The following STKLD1 variants were observed in gnomAD, a reference collection of about 807,000 sequenced individuals.
STKLD1 encodes the protein serine/threonine kinase like domain containing 1.
In STKLD1, 79 loss-of-function variants were observed where a neutral mutation model predicts 80.4. That is an observed-to-expected ratio of 0.98 (90% CI 0.82 to 1.19). The LOEUF (loss-of-function observed/expected upper bound fraction) is 1.19. Among genes scored for constraint, STKLD1 ranks in the 50% most tolerant of loss-of-function variants. STKLD1 has a pLI of 0.00. For synonymous variants in STKLD1, 393 were observed against 357.6 expected (o/e 1.10, Z -1.12); for missense variants, 841 against 856.0 (o/e 0.98, Z 0.22).
rs145374164 is a variant in STKLD1, at chr9:133,397,230, C to T, written c.933C>T (p.His311=). 5 of 1,613,832 alleles carry T rather than the reference C, an allele frequency of 3.1e-6. No individual in the cohort carries two copies. The highest frequency in any genetic ancestry group is 4.2e-6 in the Non-Finnish European group (5 of 1,180,036). Residue 311 remains histidine (H), a synonymous_variant, in exon 10 of 18, where the codon CAC becomes CAT. Transcript: ENST00000371957. ...FKSSCVSLTL[H]RQMVPASITD... ...CCTCGTGCGTCTCTCTGACCCTGCA[C>T]CGGCAGATGGTGCCTGCGTCCATCA... is the stretch of plus-strand genomic sequence containing the variant.
chr9:133,381,131 CTTTTTTTTTTTT>C (rs35031853), intron 2 of STKLD1, among the ~76,000 whole-genome samples: 13 of 69,166 alleles, frequency 1.9e-4, no homozygotes, highest in Admixed American at 1.6e-3. Context: ...TACGATGTAA[CTTTTTTTTTTTT>C]TTTTTTTTTT....
At chr9:133,376,664 C>T in intron 1 of STKLD1, 104 bp downstream of exon 1, 1 of 1,043,048 alleles carries the variant, frequency 9.6e-7, no homozygotes, top group Non-Finnish European at 1.4e-6. Context: ...GGGGCCCGCG[C>T]CCTGGCCAGT....
At position 133,397,974 on chromosome 9, in the gene STKLD1, G is replaced by A. The variant is rs782048842; in HGVS notation, c.1000G>A (p.Val334Ile). ...CCCCTGCCTTCCTGTCCCTGCAGAG[G>A]TCATGCAGAAATTCTCTGGCTGGCC... ...LEGNVASILE[V>I]MQKFSGWPEV... Residue 334 changes from valine to isoleucine, a missense_variant and splice_region_variant, in exon 11 of 18, where the codon GTC (valine) becomes ATC (isoleucine). Val to Ile is a conservative substitution (Grantham distance 29). Transcript: ENST00000371957. 41 of 1,613,178 alleles carry A rather than the reference G, an allele frequency of 2.5e-5. No individual in the cohort carries two copies. In the South Asian group the frequency reaches 4.2e-4, roughly 16 times the overall value.
At chr9:133,387,717 T>C (rs1838296058) in intron 5 of STKLD1, 169 bp downstream of exon 5, 1 of 700,338 alleles carries the variant, frequency 1.4e-6, no homozygotes. Flanking sequence ...GTGCAGATCT[T>C]AAGTGCACAG....
At chr9:133,388,113 G>A (rs1017668351) in intron 5 of STKLD1, among the ~76,000 whole-genome samples, 21 of 152,312 alleles carry the variant, frequency 1.4e-4, no homozygotes, top group Admixed American at 3.3e-4. Flanking sequence ...TTATTGGGTC[G>A]TAGAGTACAT....
At chr9:133,402,685 A>C (rs1554777878) in intron 13 of STKLD1, among the ~76,000 whole-genome samples, 193 bp from the exon 14 acceptor site, 1 of 152,218 alleles carries the variant, frequency 6.6e-6, no homozygotes, top group Non-Finnish European at 1.5e-5. Flanking sequence ...CTGGTGGCCC[A>C]CGAGATGGAC....
At chr9:133,388,113 G>T (rs1017668351) in intron 5 of STKLD1, among the ~76,000 whole-genome samples, 1 of 152,194 alleles carries the variant, frequency 6.6e-6, no homozygotes, top group Non-Finnish European at 1.5e-5. Context: ...TTATTGGGTC[G>T]TAGAGTACAT....
At chr9:133,379,221 G>C (rs1046631815) in intron 2 of STKLD1, 99 bp downstream of exon 2, 2 of 1,028,222 alleles carry the variant, frequency 1.9e-6, no homozygotes, top group Non-Finnish European at 2.9e-6. Context: ...TCCTGATGCG[G>C]CAGCTGGATT....
chr9:133,395,928 C>A, intron 9 of STKLD1, 165 bp downstream of exon 9: 2 of 706,686 alleles, frequency 2.8e-6, no homozygotes, highest in Non-Finnish European at 4.6e-6. Flanking sequence ...CTGGCTCTCC[C>A]AAACCGTGCT....
rs2130271756 is a variant in STKLD1 at position 133,383,971 on chromosome 9, T to G, written c.219+71T>G. The G allele has an allele frequency of 2.1e-6, 3 of 1,427,454 alleles. No individual in the cohort carries two copies. The African/African-American group carries it at 4.2e-5, about 20-fold the overall frequency. The allele number at this position is 1,427,454 out of a possible 1,614,324, so 88.4% of individuals were successfully genotyped here. ...TACACAGACTGTGTTCTGTACCTTCTTGTTGAGTGCCTGGATGAAGAGAAG... is the reference window on the plus strand; with the variant it reads ...TACACAGACTGTGTTCTGTACCTTCGTGTTGAGTGCCTGGATGAAGAGAAG... On this transcript the variant is annotated intron_variant, in intron 3 of 17. Coordinates refer to ENST00000371957, the MANE Select transcript of STKLD1 (RefSeq NM_153710.5).
Position 133,384,002 on chromosome 9 carries a change from A to AGGGAG in STKLD1, c.219+105_219+109dup, listed in dbSNP as rs1838210291. 3.5e-6 allele frequency: 4 copies of AGGGAG among 1,156,424 alleles called. No individual in the cohort carries two copies. In the Admixed American group the frequency reaches 6.9e-5, roughly 20 times the overall value. 71.6% of individuals were successfully genotyped at this position (1,156,424 alleles called of 1,614,324 possible). On this transcript the variant is annotated intron_variant, in intron 3 of 17. Transcript: ENST00000371957. This position sits in a 1 kb window ranked among gnomAD's most constrained non-coding sequence, Gnocchi z 4.3. The stretch of plus-strand genomic sequence containing the variant: ...AGTGCCTGGATGAAGAGAAGGCTGG[A>AGGGAG]GGGAGGGATAGAGCATCAGCACCAG...
intron 7 of STKLD1, among the ~76,000 whole-genome samples, chr9:133,392,472 T>C (rs1838422518): frequency 7.0e-6 from 1 of 143,508 alleles, no homozygotes; most frequent in Non-Finnish European, 1.5e-5. Context: ...GGATGATGGG[T>C]GGGTGAGTGG....
intron 2 of STKLD1, among the ~76,000 whole-genome samples, chr9:133,383,294 GTGATGGTGGTAATGGTGGTGGT>G (rs1168601623): frequency 0.028 from 26 of 928 alleles, no homozygotes; most frequent in African/African-American, 0.032. Flanking sequence ...GTGTGATGAT[GTGATGGTGGTAATGGTGGTGGT>G]GTGATGATGG....
At chr9:133,397,316 G>C in intron 10 of STKLD1, 22 bp downstream of exon 10, 1 of 1,611,578 alleles carries the variant, frequency 6.2e-7, no homozygotes, top group Non-Finnish European at 8.5e-7. Context: ...GACACAAAGG[G>C]GGAGCGTGCC....
intron 7 of STKLD1, among the ~76,000 whole-genome samples, chr9:133,391,459 G>T (rs2130289674): frequency 1.3e-5 from 2 of 151,438 alleles, no homozygotes; most frequent in African/African-American, 2.4e-5. Flanking sequence ...GAAATCGGAT[G>T]GTTGCTGTGT....
rs1369993124 is a variant in STKLD1 at position 133,389,590 on chromosome 9, T to C, written c.461T>C (p.Ile154Thr). ...ALEYLHHLDI[I>T]HRNLKPSNII... ...GAATACCTGCACCATTTGGACATCA[T>C]CCACAGGTAAGTGGGGCCCCTGACC... is the stretch of plus-strand genomic sequence containing the variant. Residue 154 changes from isoleucine to threonine, a missense_variant, in exon 6 of 18, where the codon ATC becomes ACC. Transcript: ENST00000371957. This position sits in a 1 kb window ranked among gnomAD's most constrained non-coding sequence, Gnocchi z 6.4. 1.2e-6 allele frequency: 2 copies of C among 1,613,364 alleles called. No individual in the cohort carries two copies. Among genetic ancestry groups the C allele is most frequent in the East Asian group, 2.2e-5 (1 of 44,848 alleles).
Position 133,404,823 on chromosome 9 carries a change from G to A in STKLD1, c.1767G>A (p.Glu589=). 1.2e-6 allele frequency: 2 copies of A among 1,613,382 alleles called. No individual in the cohort carries two copies. Among genetic ancestry groups the A allele is most frequent in the Non-Finnish European group, 1.7e-6 (2 of 1,179,824 alleles). Reference sequence around the variant, plus strand: ...CCTTCAAGGTGGTGGTGCAGGAGGAGGGCGGCAGTGGCCTCAGCCTCATCA... The same window carrying A: ...CCTTCAAGGTGGTGGTGCAGGAGGAAGGCGGCAGTGGCCTCAGCCTCATCA... ...LAAFKVVVQE[E]GGSGLSLIKE... Residue 589 remains glutamate (E), a synonymous_variant, in exon 17 of 18, where the codon GAG becomes GAA. Transcript: ENST00000371957.
chr9:133,400,384 A>G (rs782474701), intron 11 of STKLD1, 29 bp from the exon 12 acceptor site: 33 of 1,571,304 alleles, frequency 2.1e-5, no homozygotes, highest in Non-Finnish European at 2.9e-5. Flanking sequence ...GCCCAAAATG[A>G]GTCTCCCCTG....
Position 133,401,728 on chromosome 9 carries a change from G to C in STKLD1, c.1199-10G>C. ...GGCTAACCCCAGGCGTCTTCCTCTG[G>C]CTTGAGCAGCGCTGGTGCACCACCC... On this transcript the variant is annotated splice_polypyrimidine_tract_variant and intron_variant, in intron 12 of 17. Transcript: ENST00000371957. 6.2e-7 allele frequency: 1 copy of C among 1,609,820 alleles called. No individual in the cohort carries two copies. The highest frequency in any genetic ancestry group is 1.1e-5 in the South Asian group (1 of 90,708).
Sources: allele counts gnomAD v4.1 joint callset (sites outside exome capture counted in the v4.1 genomes callset), GRCh38; gene constraint gnomAD v4.1.1; non-coding constraint Gnocchi (gnomAD v3.1); transcripts MANE v1.5; gene names NCBI Gene and HGNC (gene_info 2026-07-23, HGNC 2026-07-21).